The following ULK4 variants were observed in gnomAD, a reference collection of about 807,000 sequenced individuals.
ULK4 encodes inactive serine/threonine-protein kinase ULK4.
Under a neutral mutation model 160.6 loss-of-function variants are expected in ULK4, and 133 were observed. The observed-to-expected ratio is 0.83, with a 90% confidence interval of 0.72 to 0.96. The LOEUF (loss-of-function observed/expected upper bound fraction) is 0.96. Ranked by LOEUF, ULK4 falls within the 40% of genes least tolerant of loss-of-function variation. The pLI, the probability that ULK4 is intolerant of heterozygous loss-of-function variation, is 0.00. For missense variants in ULK4, 1,580 were observed against 1,499.5 expected (o/e 1.05, Z -0.89); for synonymous variants, 534 against 539.8 (o/e 0.99, Z 0.15).
At position 41,535,789 on chromosome 3, in the gene ULK4, G is replaced by C. The variant is rs2086476825; in HGVS notation, c.3226+30236C>G. ...TGCTCATTTCTATAGAGTGGACTCA[G>C]ACAGTTCAAGCCACATGGGCATCCC... On this transcript the variant is annotated intron_variant, in intron 32 of 36. Coordinates refer to ENST00000301831, the MANE Select transcript of ULK4 (RefSeq NM_017886.4). Among the ~76,000 whole-genome samples, 3 of 152,196 alleles carry C rather than the reference G, an allele frequency of 2.0e-5. No homozygotes were observed. The South Asian group carries it at 6.2e-4, about 31-fold the overall frequency.
intron 29 of ULK4, among the ~76,000 whole-genome samples, chr3:41,669,779 C>T (rs2035473503): frequency 6.6e-6 from 1 of 150,602 alleles, no homozygotes; most frequent in East Asian, 1.9e-4. Flanking sequence ...TAATATAAGA[C>T]AGCCAGTAAT....
chr3:41,830,221 C>T (rs2041528953), intron 18 of ULK4, among the ~76,000 whole-genome samples: 3 of 151,922 alleles, frequency 2.0e-5, no homozygotes, highest in African/African-American at 7.3e-5. Flanking sequence ...GGGTGCAGCA[C>T]ACCAACATGA....
intron 17 of ULK4, among the ~76,000 whole-genome samples, chr3:41,861,422 C>G (rs2042494579): frequency 6.6e-6 from 1 of 152,150 alleles, no homozygotes; most frequent in Non-Finnish European, 1.5e-5. Context: ...ATATACCCTT[C>G]TAGGATAAAA....
chr3:41,469,627 A>AAAAAAAAAAAAAC (rs2083925323), intron 32 of ULK4, among the ~76,000 whole-genome samples: 1 of 142,898 alleles, frequency 7.0e-6, no homozygotes, highest in Non-Finnish European at 1.5e-5. Flanking sequence ...AAAAAAAAAA[A>AAAAAAAAAAAAAC]CACCTTAAAA....
At chr3:41,606,357 C>T (rs2032384039) in intron 31 of ULK4, among the ~76,000 whole-genome samples, 1 of 151,854 alleles carries the variant, frequency 6.6e-6, no homozygotes. Flanking sequence ...ATATACATGC[C>T]ACATTTGCTT....
chr3:41,383,943 C>A (rs2081736172), intron 35 of ULK4, among the ~76,000 whole-genome samples: 1 of 152,158 alleles, frequency 6.6e-6, no homozygotes, highest in African/African-American at 2.4e-5. Flanking sequence ...AAATTAACCA[C>A]TTTGTTCCAT....
At chr3:41,804,015 T>A (rs2040556456) in intron 19 of ULK4, among the ~76,000 whole-genome samples, 1 of 152,182 alleles carries the variant, frequency 6.6e-6, no homozygotes, top group African/African-American at 2.4e-5. Context: ...ATGGGATGGC[T>A]GGGTCAAATG....
chr3:41,876,214 T>C (rs1697296856), intron 17 of ULK4, among the ~76,000 whole-genome samples: 2 of 152,166 alleles, frequency 1.3e-5, no homozygotes. Context: ...AACAGTGAAT[T>C]ATAGAGAGCA....
intron 35 of ULK4, among the ~76,000 whole-genome samples, chr3:41,320,597 T>C (rs1161644167): frequency 6.6e-6 from 1 of 152,184 alleles, no homozygotes; most frequent in African/African-American, 2.4e-5. Flanking sequence ...TCTTCTCAAG[T>C]GATCCCAAGA....
chr3:41,817,463 T>C (rs891012441), intron 19 of ULK4, among the ~76,000 whole-genome samples: 1 of 152,176 alleles, frequency 6.6e-6, no homozygotes, highest in African/African-American at 2.4e-5. Context: ...AAAATCATGT[T>C]CTTTGCAACA....
chr3:41,472,531 T>C (rs952347046), intron 32 of ULK4, among the ~76,000 whole-genome samples: 33 of 148,662 alleles, frequency 2.2e-4, no homozygotes, highest in African/African-American at 7.5e-4. Flanking sequence ...ATCACACCAC[T>C]GCACTCCAGC....
chr3:41,602,326 A>AAGGAAAGGAAAGGAGGAG (rs2032140245), intron 31 of ULK4, among the ~76,000 whole-genome samples: 1 of 132,466 alleles, frequency 7.5e-6, no homozygotes. Flanking sequence ...GAAAGGAGGA[A>AAGGAAAGGAAAGGAGGAG]GGGAAAGGAA....
intron 17 of ULK4, among the ~76,000 whole-genome samples, chr3:41,846,585 G>C (rs2042074779): frequency 6.6e-6 from 1 of 152,004 alleles, no homozygotes; most frequent in African/African-American, 2.4e-5. Context: ...CAGGCAGACT[G>C]TCTGAGGTCA....
rs377448495 is a variant in ULK4, at chr3:41,895,546, G to A, written c.1549C>T (p.His517Tyr). The change falls in exon 16 of 37, where the codon CAT becomes TAT. Residue 517 changes from histidine (H) to tyrosine (Y), a missense_variant. Transcript: ENST00000301831. ...TCCCAGTTTGGAGCTATCCGCAAAT[G>A]CTGGATTAGCAATTGGAACTAGAAT... Reference protein sequence around the residue: ...HSPLFQLLIQHLRIAPNWDIR... With the variant: ...HSPLFQLLIQYLRIAPNWDIR... 5.5e-5 allele frequency: 83 copies of A among 1,512,250 alleles called. No individual in the cohort carries two copies. The highest frequency in any genetic ancestry group is 1.8e-4 in the Admixed American group (8 of 44,568). The allele number at this position is 1,512,250 out of a possible 1,614,324, so 93.7% of individuals were successfully genotyped here.
intron 13 of ULK4, among the ~76,000 whole-genome samples, chr3:41,900,398 A>G (rs1698309972): frequency 6.6e-6 from 1 of 152,166 alleles, no homozygotes; most frequent in Non-Finnish European, 1.5e-5. Context: ...CGGAGAAACA[A>G]AAGGACTGAG....
At chr3:41,861,480 G>C (rs1716674) in intron 17 of ULK4, among the ~76,000 whole-genome samples, 47,024 of 151,686 alleles carry the variant, frequency 0.31, 10,598 homozygotes, top group African/African-American at 0.64. Context: ...TCCCTCCTGG[G>C]CTTTAAGGTT....
intron 17 of ULK4, among the ~76,000 whole-genome samples, chr3:41,873,300 C>G (rs17283243): frequency 2.8e-4 from 41 of 146,764 alleles, no homozygotes; most frequent in Admixed American, 9.9e-4. Flanking sequence ...CTCCATCTAA[C>G]TGCTTCAAGG....
intron 1 of ULK4, among the ~76,000 whole-genome samples, chr3:41,961,550 A>ACCGC (rs1700669195): frequency 8.0e-6 from 1 of 124,692 alleles, no homozygotes; most frequent in Admixed American, 7.4e-5. Context: ...GTAGTCACTC[A>ACCGC]CCCCCCCCCC....
At chr3:41,905,785 C>T (rs1158422467) in intron 12 of ULK4, among the ~76,000 whole-genome samples, 2 of 152,170 alleles carry the variant, frequency 1.3e-5, no homozygotes, top group Non-Finnish European at 2.9e-5. Flanking sequence ...TAGAAATTCA[C>T]ACCTACTAGC....
Sources: allele counts gnomAD v4.1 joint callset (sites outside exome capture counted in the v4.1 genomes callset), GRCh38; gene constraint gnomAD v4.1.1; transcripts MANE v1.5; gene names NCBI Gene and HGNC (gene_info 2026-07-23, HGNC 2026-07-21).